The following PPP2R5E variants were observed in gnomAD, a reference collection of about 807,000 sequenced individuals.
PPP2R5E encodes the protein serine/threonine-protein phosphatase 2A 56 kDa regulatory subunit epsilon isoform.
In PPP2R5E, 4 loss-of-function variants were observed where a neutral mutation model predicts 65.3. The ratio of observed to expected loss-of-function variants is 0.06; its 90% CI spans 0.03 to 0.14. The LOEUF (loss-of-function observed/expected upper bound fraction) is 0.14. Among genes scored for constraint, PPP2R5E ranks in the 10% least tolerant of loss-of-function variants. PPP2R5E has a pLI of 1.00. For missense variants in PPP2R5E, 274 were observed against 556.1 expected (o/e 0.49, Z 5.10); for synonymous variants, 183 against 187.4 (o/e 0.98, Z 0.19).
chr14:63,456,098 AG>A (rs1160769718), intron 2 of PPP2R5E, among the ~76,000 whole-genome samples: 1 of 152,220 alleles, frequency 6.6e-6, no homozygotes, highest in African/African-American at 2.4e-5. Context: ...CATTCGTTAC[AG>A]GTCAAAATCT....
At chr14:63,479,382 T>C (rs1385112648) in intron 2 of PPP2R5E, 17 of 152,284 alleles carry the variant, frequency 1.1e-4, no homozygotes, top group Admixed American at 1.1e-3. Context: ...TGCCACGTGC[T>C]GGACAGCCTT....
chr14:63,481,334 T>C (rs1321420181), intron 2 of PPP2R5E, among the ~76,000 whole-genome samples: 1 of 151,686 alleles, frequency 6.6e-6, no homozygotes, highest in African/African-American at 2.4e-5. Flanking sequence ...CGTCTCTACT[T>C]AAAATTTAAA....
chr14:63,440,395 G>A (rs545921672), intron 3 of PPP2R5E, among the ~76,000 whole-genome samples: 2 of 147,726 alleles, frequency 1.4e-5, no homozygotes, highest in African/African-American at 5.1e-5. Context: ...GAGAGGGAGT[G>A]AAGAAGAAAC....
chr14:63,516,457 T>C (rs1321006193), intron 2 of PPP2R5E, among the ~76,000 whole-genome samples: 1 of 152,208 alleles, frequency 6.6e-6, no homozygotes, highest in African/African-American at 2.4e-5. Flanking sequence ...AGAAAAAATG[T>C]TTAACACAAC....
chr14:63,377,410 T>C (rs553807460), intron 13 of PPP2R5E, among the ~76,000 whole-genome samples: 1 of 152,302 alleles, frequency 6.6e-6, no homozygotes, highest in South Asian at 2.1e-4. Context: ...TTAAAAGTTA[T>C]ATTAATATCT....
intron 2 of PPP2R5E, among the ~76,000 whole-genome samples, chr14:63,487,360 C>G (rs539773474): frequency 6.6e-5 from 10 of 152,044 alleles, no homozygotes; most frequent in East Asian, 3.8e-4. Flanking sequence ...ACCACCCCCC[C>G]CTCTTAAATT....
At chr14:63,428,730 G>A (rs1006614149) in intron 3 of PPP2R5E, among the ~76,000 whole-genome samples, 1 of 152,236 alleles carries the variant, frequency 6.6e-6, no homozygotes, top group African/African-American at 2.4e-5. Context: ...ATAAACAAAA[G>A]AGGAAGAAGC....
At chr14:63,410,093 T>C (rs1255665716) in intron 5 of PPP2R5E, among the ~76,000 whole-genome samples, 2 of 152,162 alleles carry the variant, frequency 1.3e-5, no homozygotes, top group Non-Finnish European at 2.9e-5. Flanking sequence ...GTCAGAAGAC[T>C]GACTGCAAAG....
At chr14:63,451,729 T>C (rs1160951135) in intron 3 of PPP2R5E, 1 of 151,790 alleles carries the variant, frequency 6.6e-6, no homozygotes, top group Non-Finnish European at 1.5e-5. Context: ...TAATGATGCG[T>C]CAATGTAGGA....
intron 3 of PPP2R5E, among the ~76,000 whole-genome samples, chr14:63,444,030 A>T (rs942521003): frequency 2.0e-5 from 3 of 152,132 alleles, no homozygotes; most frequent in Non-Finnish European, 4.4e-5. Context: ...TGTCACTGAA[A>T]TACAAATCTG....
At chr14:63,495,063 C>T (rs930749150) in intron 2 of PPP2R5E, among the ~76,000 whole-genome samples, 6 of 149,524 alleles carry the variant, frequency 4.0e-5, no homozygotes, top group African/African-American at 1.5e-4. Flanking sequence ...AATTAGCTGG[C>T]CCAGAGGCAT....
intron 2 of PPP2R5E, among the ~76,000 whole-genome samples, chr14:63,522,831 G>A (rs1430489480): frequency 6.6e-6 from 1 of 151,234 alleles, no homozygotes; most frequent in Admixed American, 6.6e-5. Flanking sequence ...CCCACCGCCA[G>A]GCCAGCCGCC....
Position 63,448,198 on chromosome 14 carries a change from G to T in PPP2R5E, c.354+5491C>A, listed in dbSNP as rs552386002. Among the ~76,000 whole-genome samples the T allele has an allele frequency of 6.2e-4, 95 of 152,196 alleles. 1 individual carries two copies. Among genetic ancestry groups the T allele is most frequent in the African/African-American group, 2.2e-3 (93 of 41,538 alleles). ...TGTAGTCCCAGCTACTCAGGAGGCT[G>T]AGGCAGGAGACTGGTGTGAACCCCG... On this transcript the variant is annotated intron_variant, in intron 3 of 13. Transcript: ENST00000337537.
intron 2 of PPP2R5E, among the ~76,000 whole-genome samples, chr14:63,520,859 C>CAAAAAAAAAAAAAAAAAAAAA (rs748146106): frequency 1.7e-5 from 1 of 58,522 alleles, no homozygotes; most frequent in Non-Finnish European, 4.1e-5. Context: ...ACTAAAAATA[C>CAAAAAAAAAAAAAAAAAAAAA]AAAAAAAAAA....
chr14:63,389,801 TAATG>T, intron 10 of PPP2R5E, 70 bp from the exon 11 acceptor site: 1 of 1,395,062 alleles, frequency 7.2e-7, no homozygotes, highest in Non-Finnish European at 9.4e-7. Flanking sequence ...CAAGGAGGAT[TAATG>T]AGAGTTTGGA....
chr14:63,443,110 T>C (rs553758758), intron 3 of PPP2R5E, among the ~76,000 whole-genome samples: 14 of 152,142 alleles, frequency 9.2e-5, no homozygotes, highest in African/African-American at 2.7e-4. Context: ...TCAAAGAATG[T>C]ATAAAAAAAA....
chr14:63,421,746 G>A (rs1887036377), intron 4 of PPP2R5E, among the ~76,000 whole-genome samples: 1 of 152,210 alleles, frequency 6.6e-6, no homozygotes, highest in Admixed American at 6.5e-5. Flanking sequence ...CTCTAATAGA[G>A]AAATAAGAAC....
At chr14:63,403,618 C>A (rs1449689763) in intron 5 of PPP2R5E, among the ~76,000 whole-genome samples, 1 of 149,882 alleles carries the variant, frequency 6.7e-6, no homozygotes, top group East Asian at 2.0e-4. Context: ...GACCAGGGCT[C>A]CAGGAAGAAG....
chr14:63,476,805 A>G (rs1214783809), intron 2 of PPP2R5E, among the ~76,000 whole-genome samples: 5 of 152,168 alleles, frequency 3.3e-5, no homozygotes, highest in African/African-American at 9.7e-5. Context: ...TATTCATGAC[A>G]TTCACAGATA....
Sources: allele counts gnomAD v4.1 joint callset (sites outside exome capture counted in the v4.1 genomes callset), GRCh38; gene constraint gnomAD v4.1.1; transcripts MANE v1.5; gene names NCBI Gene and HGNC (gene_info 2026-07-23, HGNC 2026-07-21).